The following CALCR variants were observed in gnomAD, a reference collection of about 807,000 sequenced individuals.
CALCR encodes calcitonin receptor.
In CALCR, 47 loss-of-function variants were observed where a neutral mutation model predicts 59.5. The ratio of observed to expected loss-of-function variants is 0.79; its 90% CI spans 0.63 to 1.01. The LOEUF (loss-of-function observed/expected upper bound fraction) is 1.01. Ranked by LOEUF, CALCR falls within the 50% of genes least tolerant of loss-of-function variation. The pLI, the probability that CALCR is intolerant of heterozygous loss-of-function variation, is 0.00. For missense variants in CALCR, 566 were observed against 597.1 expected, an observed-to-expected ratio of 0.95 and a Z score of 0.54; for synonymous variants, 213 against 211.3, an observed-to-expected ratio of 1.01 and a Z score of -0.07.
chr7:93,490,879 C>T (rs778671848), intron 2 of CALCR, among the ~76,000 whole-genome samples: 1 of 151,924 alleles, frequency 6.6e-6, no homozygotes, highest in Non-Finnish European at 1.5e-5. Context: ...CTACCATTGA[C>T]ATTTTTCAGA....
At chr7:93,474,634 T>A (rs1380274937) in intron 5 of CALCR, among the ~76,000 whole-genome samples, 1 of 151,790 alleles carries the variant, frequency 6.6e-6, no homozygotes. Flanking sequence ...AAATTTAATC[T>A]GAGTTATTCA....
chr7:93,540,074 C>T (rs1206531380), intron 2 of CALCR, among the ~76,000 whole-genome samples: 1 of 152,164 alleles, frequency 6.6e-6, no homozygotes, highest in Non-Finnish European at 1.5e-5. Context: ...AGATTCTGTT[C>T]GCTGCCCTAG....
chr7:93,549,037 T>G (rs1030709414), intron 2 of CALCR, among the ~76,000 whole-genome samples: 2 of 152,112 alleles, frequency 1.3e-5, no homozygotes, highest in African/African-American at 4.8e-5. Flanking sequence ...TCCTTATTTT[T>G]GGGAAGGGAA....
chr7:93,477,525 A>G, intron 5 of CALCR, 33 bp downstream of exon 5: 2 of 1,423,014 alleles, frequency 1.4e-6, no homozygotes, highest in Non-Finnish European at 2.0e-6. Context: ...AAAGCTTCAT[A>G]GCAAGAACAT....
chr7:93,540,739 ATAT>A (rs201483690), intron 2 of CALCR, among the ~76,000 whole-genome samples: 2,410 of 51,950 alleles, frequency 0.046, 30 homozygotes, highest in Non-Finnish European at 0.11. Flanking sequence ...ATATTATATA[ATAT>A]TATATTTATA....
At chr7:93,546,930 A>C (rs2116211070) in intron 2 of CALCR, among the ~76,000 whole-genome samples, 1 of 152,224 alleles carries the variant, frequency 6.6e-6, no homozygotes, top group Non-Finnish European at 1.5e-5. Flanking sequence ...TCTCTTCCTC[A>C]AGATAAACTG....
At position 93,460,926 on chromosome 7, in the gene CALCR, T is replaced by A. The variant is rs1211850834; in HGVS notation, c.543A>T (p.Val181=). 5.0e-6 allele frequency: 8 copies of A among 1,610,764 alleles called. No homozygotes were observed. The highest frequency in any genetic ancestry group is 1.7e-5 in the Admixed American group (1 of 59,444). ...TAAGAAACATGTTCTTGTGCAGGGT[T>A]ACCCTTTGGCAGCCAAGGCTCCTGG... ...VFFRSLGCQR[V]TLHKNMFLTY... Residue 181 remains valine (V), a synonymous_variant, in exon 8 of 14, where the codon GTA becomes GTT. Transcript: ENST00000426151.
intron 2 of CALCR, among the ~76,000 whole-genome samples, chr7:93,564,251 G>T (rs75253068): frequency 0.035 from 5,234 of 151,538 alleles, 311 homozygotes; most frequent in African/African-American, 0.12. Flanking sequence ...GTGAATGTGT[G>T]GGGGGGGACA....
At chr7:93,477,375 A>G (rs1800688078) in intron 5 of CALCR, among the ~76,000 whole-genome samples, 183 bp downstream of exon 5, 1 of 151,898 alleles carries the variant, frequency 6.6e-6, no homozygotes, top group Non-Finnish European at 1.5e-5. Flanking sequence ...CATGACTTAA[A>G]AAAAAGGACA....
intron 4 of CALCR, among the ~76,000 whole-genome samples, chr7:93,478,263 A>C (rs1475085152): frequency 6.6e-6 from 1 of 151,848 alleles, no homozygotes; most frequent in Non-Finnish European, 1.5e-5. Flanking sequence ...TCTGCCTTTC[A>C]GTTGACTTGA....
chr7:93,555,655 A>T (rs1018789767), intron 2 of CALCR, among the ~76,000 whole-genome samples: 1 of 148,858 alleles, frequency 6.7e-6, no homozygotes, highest in Non-Finnish European at 1.5e-5. Context: ...CAAATAGTTT[A>T]TTGGTACAGT....
intron 2 of CALCR, among the ~76,000 whole-genome samples, chr7:93,488,582 G>GCAAAAAATAAAAAA (rs770479251): frequency 1.3e-5 from 1 of 78,036 alleles, no homozygotes; most frequent in Non-Finnish European, 2.4e-5. Flanking sequence ...CAAATGGAAA[G>GCAAAAAATAAAAAA]AAAAAAAAAA....
At chr7:93,449,155 A>T (rs146321920) in intron 8 of CALCR, among the ~76,000 whole-genome samples, 5 of 152,124 alleles carry the variant, frequency 3.3e-5, no homozygotes, top group African/African-American at 1.2e-4. Flanking sequence ...ACTTTTCTAT[A>T]TGTTCAGCAT....
At chr7:93,477,149 T>A (rs1800682830) in intron 5 of CALCR, among the ~76,000 whole-genome samples, 1 of 151,876 alleles carries the variant, frequency 6.6e-6, no homozygotes, top group Non-Finnish European at 1.5e-5. Flanking sequence ...GGGAACAAAT[T>A]TCACCCATTA....
intron 2 of CALCR, among the ~76,000 whole-genome samples, chr7:93,543,074 G>A (rs1345827482): frequency 1.3e-5 from 2 of 151,942 alleles, no homozygotes; most frequent in Non-Finnish European, 1.5e-5. Context: ...ATTATGTAAT[G>A]CACATAATTG....
chr7:93,552,815 G>T (rs1408362144), intron 2 of CALCR, among the ~76,000 whole-genome samples: 1 of 152,180 alleles, frequency 6.6e-6, no homozygotes, highest in Non-Finnish European at 1.5e-5. Context: ...AAATGCTCAA[G>T]TAGAGTTCCC....
At chr7:93,466,940 T>A (rs1381308732) in intron 7 of CALCR, among the ~76,000 whole-genome samples, 1 of 151,802 alleles carries the variant, frequency 6.6e-6, no homozygotes, top group Non-Finnish European at 1.5e-5. Flanking sequence ...CTTATTTAAG[T>A]GACTGGAGAA....
intron 2 of CALCR, among the ~76,000 whole-genome samples, chr7:93,519,570 C>T (rs1801716397): frequency 6.6e-6 from 1 of 152,008 alleles, no homozygotes; most frequent in Non-Finnish European, 1.5e-5. Flanking sequence ...TGAGCATTTT[C>T]ATTATCTATA....
At position 93,458,270 on chromosome 7, in the gene CALCR, G is replaced by A. The variant is rs145783079; in HGVS notation, c.648+2551C>T. The stretch of plus-strand genomic sequence containing the variant: ...AAATTAAGCTGCTTTCCCACGCCAC[G>A]CCACTGTCACACAGGATGCATGCTC... On this transcript the variant is annotated intron_variant, in intron 8 of 13. Transcript: ENST00000426151. Among the ~76,000 whole-genome samples, 202 of 152,180 alleles carry A rather than the reference G, an allele frequency of 1.3e-3. 1 individual carries two copies. The South Asian group carries it at 0.027, about 21-fold the overall frequency.
Sources: gnomAD v4.1 joint callset for allele counts (sites outside exome capture counted in the v4.1 genomes callset) on GRCh38, gnomAD v4.1.1 for gene constraint, MANE v1.5 for transcripts, NCBI Gene and HGNC (gene_info 2026-07-23, HGNC 2026-07-21) for gene names.